CD163L1: variants seen among roughly 807,000 people sequenced by gnomAD.
The protein encoded by CD163L1 is scavenger receptor cysteine-rich type 1 protein M160.
CD163L1 carries 124 observed loss-of-function variants against 165.4 expected under a neutral mutation model. That is an observed-to-expected ratio of 0.75 (90% CI 0.65 to 0.87). The LOEUF (loss-of-function observed/expected upper bound fraction) is 0.87. Ranked by LOEUF, CD163L1 falls within the 40% of genes least tolerant of loss-of-function variation. The probability of loss-of-function intolerance (pLI) is 0.00; values close to 1 mark genes in which losing one functional copy is unlikely to be tolerated. For synonymous variants in CD163L1, 585 were observed against 662.2 expected (o/e 0.88, Z 1.79); for missense variants, 1,525 against 1,799.9 (o/e 0.85, Z 2.76).
chr12:7,439,812 G>C, intron 2 of CD163L1: 2 of 1,613,536 alleles, frequency 1.2e-6, no homozygotes, highest in South Asian at 2.2e-5. Flanking sequence ...TCTCCACCTC[G>C]AACACATCCT....
intron 7 of CD163L1, among the ~76,000 whole-genome samples, chr12:7,397,779 T>G (rs1029566656): frequency 6.6e-6 from 1 of 152,116 alleles, no homozygotes; most frequent in African/African-American, 2.4e-5. Context: ...ACAACCATGA[T>G]TTTTCCAATT....
At position 7,375,296 on chromosome 12, in the gene CD163L1, A is replaced by G. The variant is rs1430038400; in HGVS notation, c.2986T>C (p.Ser996Pro). ...ATTCTCTTACCTGTGCAGATCACAG[A>G]GACAGTATTTCCATGGATACAGGGA... Reference protein sequence around the residue: ...APPCIHGNTVSVICTGSLTQP... With the variant: ...APPCIHGNTVPVICTGSLTQP... The change falls in exon 11 of 20, where the codon TCT (serine) becomes CCT (proline). Residue 996 changes from serine (S) to proline (P), a missense_variant. Transcript: ENST00000313599. 1 of 1,613,936 alleles carries G rather than the reference A, an allele frequency of 6.2e-7. No homozygotes were observed. Among genetic ancestry groups the G allele is most frequent in the Non-Finnish European group, 8.5e-7 (1 of 1,179,986 alleles).
chr12:7,407,486 T>C (rs140751739), intron 4 of CD163L1, among the ~76,000 whole-genome samples: 200 of 152,068 alleles, frequency 1.3e-3, no homozygotes, highest in Non-Finnish European at 2.5e-3. Flanking sequence ...TAAAATGCTC[T>C]GTTGATTTAA....
In CD163L1 at chr12:7,432,847, T is replaced by TAA. The variant is rs141002179; in HGVS notation, c.446-113_446-112dup. ...TGTTATGAATGAAGTTACCAAAAAT[T>TAA]AAAAAAAAATAACTGAAAATACTTA... On this transcript the variant is annotated intron_variant, in intron 3 of 19. Transcript: ENST00000313599. This position sits in a 1 kb window ranked among gnomAD's most constrained non-coding sequence, Gnocchi z 4.2. 1.7e-5 allele frequency: 14 copies of TAA among 847,538 alleles called. No individual in the cohort carries two copies. Among genetic ancestry groups the TAA allele is most frequent in the East Asian group, 8.3e-5 (3 of 35,988 alleles). 52.5% of individuals were successfully genotyped at this position (847,538 alleles called of 1,614,324 possible).
the CD163L1 span, among the ~76,000 whole-genome samples, chr12:7,326,225 T>TCTCA: frequency 6.6e-6 from 1 of 152,144 alleles, no homozygotes; most frequent in Non-Finnish European, 1.5e-5. Context: ...TTTTTTGAGA[T>TCTCA]GGAGACTTGC....
At chr12:7,326,332 G>C in the CD163L1 span, among the ~76,000 whole-genome samples, 1 of 152,140 alleles carries the variant, frequency 6.6e-6, no homozygotes, top group African/African-American at 2.4e-5. Flanking sequence ...AGGCTCTCAA[G>C]TTGCTAGTAC....
At chr12:7,328,884 T>G in the CD163L1 span, among the ~76,000 whole-genome samples, 1 of 150,924 alleles carries the variant, frequency 6.6e-6, no homozygotes, top group Admixed American at 6.6e-5. Flanking sequence ...GTAAAATATC[T>G]GAATGTATAC....
chr12:7,419,452 C>A (rs775331975), intron 4 of CD163L1, among the ~76,000 whole-genome samples: 8 of 151,740 alleles, frequency 5.3e-5, no homozygotes, highest in African/African-American at 1.9e-4. Flanking sequence ...TGGAACAAGA[C>A]AAGGATGCCC....
chr12:7,421,116 A>ATCTTCC, intron 4 of CD163L1, among the ~76,000 whole-genome samples: 1 of 67,262 alleles, frequency 1.5e-5, no homozygotes, highest in Non-Finnish European at 2.4e-5. Flanking sequence ...CATTTGGAAG[A>ATCTTCC]AAATGTATAT....
At chr12:7,380,205 A>T (rs184380477) in intron 8 of CD163L1, among the ~76,000 whole-genome samples, 250 of 152,230 alleles carry the variant, frequency 1.6e-3, no homozygotes, top group African/African-American at 5.5e-3. Context: ...ATAGCAGCAT[A>T]AATCGCAATT....
At chr12:7,442,862 C>T (rs1396862210) in intron 1 of CD163L1, among the ~76,000 whole-genome samples, 1 of 152,064 alleles carries the variant, frequency 6.6e-6, no homozygotes, top group African/African-American at 2.4e-5. Context: ...GCTCTGACAC[C>T]AGCACAATCA....
At chr12:7,422,880 G>A (rs1948465971) in intron 4 of CD163L1, among the ~76,000 whole-genome samples, 1 of 151,128 alleles carries the variant, frequency 6.6e-6, no homozygotes, top group East Asian at 1.9e-4. Flanking sequence ...AATAATAGTG[G>A]GAGACTTTAA....
chr12:7,413,694 C>A (rs767207213), intron 4 of CD163L1, among the ~76,000 whole-genome samples: 1 of 152,202 alleles, frequency 6.6e-6, no homozygotes, highest in Non-Finnish European at 1.5e-5. Flanking sequence ...GATCCTCAGA[C>A]GGTGTGTGTA....
At chr12:7,319,402 C>T in the CD163L1 span, among the ~76,000 whole-genome samples, 1 of 151,960 alleles carries the variant, frequency 6.6e-6, no homozygotes, top group African/African-American at 2.4e-5. Context: ...CCAGCCTGGC[C>T]AAGATGGTGA....
At chr12:7,365,288 T>C (rs1946990003) in intron 18 of CD163L1, among the ~76,000 whole-genome samples, 1 of 152,070 alleles carries the variant, frequency 6.6e-6, no homozygotes, top group Non-Finnish European at 1.5e-5. Flanking sequence ...AATAACTAAA[T>C]GTAAGACCTG....
rs1222362392 is a variant in CD163L1 at position 7,421,499 on chromosome 12, G to GTACATA, written c.766+10911_766+10916dup. On this transcript the variant is annotated intron_variant, in intron 4 of 19. Transcript: ENST00000313599. ...CATATATGTACATATATACATATAT[G>GTACATA]TACATATACATATACATATATGTAC... 3.4e-4 allele frequency among the ~76,000 whole-genome samples: 30 copies of GTACATA among 88,534 alleles called. 4 individuals are homozygous for GTACATA. The highest frequency in any genetic ancestry group is 1.8e-3 in the African/African-American group (26 of 14,330). The allele number at this position is 88,534 out of a possible 152,430, so 58.1% of individuals were successfully genotyped here. A position where few individuals can be genotyped will look rare whatever the true frequency, so the allele number is the denominator to read the frequency against.
chr12:7,413,081 G>C (rs1948169851), intron 4 of CD163L1, among the ~76,000 whole-genome samples: 1 of 110,784 alleles, frequency 9.0e-6, no homozygotes, highest in Non-Finnish European at 1.6e-5. Flanking sequence ...GACAGAGTGA[G>C]ACTCCATCTC....
At chr12:7,329,103 CAT>C in the CD163L1 span, among the ~76,000 whole-genome samples, 9 of 147,284 alleles carry the variant, frequency 6.1e-5, no homozygotes, top group African/African-American at 2.2e-4. Flanking sequence ...TATATATACA[CAT>C]ATGTATCTAT....
intron 18 of CD163L1, among the ~76,000 whole-genome samples, chr12:7,362,781 G>A (rs1400877327): frequency 1.3e-5 from 2 of 149,396 alleles, no homozygotes; most frequent in African/African-American, 4.9e-5. Flanking sequence ...CTCCTACTGG[G>A]TGTCTACCCA....
Sources: gnomAD v4.1 joint callset for allele counts (sites outside exome capture counted in the v4.1 genomes callset) on GRCh38, gnomAD v4.1.1 for gene constraint, Gnocchi (gnomAD v3.1) non-coding constraint, MANE v1.5 for transcripts, NCBI Gene and HGNC (gene_info 2026-07-23, HGNC 2026-07-21) for gene names.